The following CADPS2 variants were observed in gnomAD, a reference collection of about 807,000 sequenced individuals.
CADPS2 encodes calcium-dependent secretion activator 2.
Under a neutral mutation model 172.5 loss-of-function variants are expected in CADPS2, and 93 were observed. That is an observed-to-expected ratio of 0.54 (90% confidence interval 0.46 to 0.64). The LOEUF (loss-of-function observed/expected upper bound fraction) is 0.64. CADPS2 is among the 30% of genes least tolerant of loss of function. The pLI, the probability that CADPS2 is intolerant of heterozygous loss-of-function variation, is 0.00. For synonymous variants in CADPS2, 546 were observed against 555.2 expected (o/e 0.98, Z 0.23); for missense variants, 1,420 against 1,565.9 (o/e 0.91, Z 1.57).
At chr7:122,722,036 A>G (rs1192744349) in intron 2 of CADPS2, among the ~76,000 whole-genome samples, 3 of 152,274 alleles carry the variant, frequency 2.0e-5, no homozygotes, top group African/African-American at 4.8e-5. Flanking sequence ...TCGATGGGAC[A>G]TATCTCAAAA....
chr7:122,692,768 G>A (rs969404155), intron 2 of CADPS2, among the ~76,000 whole-genome samples: 2 of 152,266 alleles, frequency 1.3e-5, no homozygotes, highest in African/African-American at 4.8e-5. Flanking sequence ...AACACTCGGG[G>A]CCGTAAGCAG....
At chr7:122,762,118 T>G (rs1384201708) in intron 1 of CADPS2, among the ~76,000 whole-genome samples, 1 of 151,350 alleles carries the variant, frequency 6.6e-6, no homozygotes, top group Non-Finnish European at 1.5e-5. Flanking sequence ...TGTATATATG[T>G]ATATGTATAT....
chr7:122,592,764 A>C (rs907757628), intron 6 of CADPS2, among the ~76,000 whole-genome samples: 2 of 148,652 alleles, frequency 1.3e-5, no homozygotes, highest in Non-Finnish European at 3.0e-5. Flanking sequence ...GCATGTTCTC[A>C]CTCATAGGTG....
rs548982595 is a variant in CADPS2 at position 122,428,521 on chromosome 7, A to G, written c.2476+9820T>C. ...TTGCTGTTGTTGCCCAGGCTGGAGT[A>G]CAGTGGCGCAATCACGGCTCACTGC... On this transcript the variant is annotated intron_variant, in intron 17 of 29. Coordinates refer to ENST00000449022, the MANE Select transcript of CADPS2 (RefSeq NM_017954.11). Among the ~76,000 whole-genome samples, 118 of 149,382 alleles carry G rather than the reference A, an allele frequency of 7.9e-4. 2 individuals are homozygous for G. Among genetic ancestry groups the G allele is most frequent in the African/African-American group, 2.8e-3 (113 of 40,556 alleles).
At chr7:122,323,870 AT>A (rs1350484430) in intron 29 of CADPS2, among the ~76,000 whole-genome samples, 1 of 95,998 alleles carries the variant, frequency 1.0e-5, no homozygotes, top group African/African-American at 4.0e-5. Flanking sequence ...ACATATGTAT[AT>A]TTTATATATA....
intron 1 of CADPS2, among the ~76,000 whole-genome samples, chr7:122,805,604 T>C (rs1467551810): frequency 6.6e-6 from 1 of 152,202 alleles, no homozygotes. Flanking sequence ...CCTTCCAAAA[T>C]TGCCTTCTCT....
intron 3 of CADPS2, among the ~76,000 whole-genome samples, chr7:122,655,797 G>T (rs1053667036): frequency 2.0e-5 from 3 of 151,970 alleles, no homozygotes; most frequent in Non-Finnish European, 4.4e-5. Context: ...ATTTACAGGG[G>T]TACTCTTTAT....
chr7:122,836,452 G>A (rs1808450562), intron 1 of CADPS2, among the ~76,000 whole-genome samples: 1 of 152,044 alleles, frequency 6.6e-6, no homozygotes, highest in Admixed American at 6.6e-5. Context: ...ATGTAAATGG[G>A]CTAAATCCTC....
At chr7:122,671,541 G>A (rs2081857708) in intron 2 of CADPS2, among the ~76,000 whole-genome samples, 1 of 152,038 alleles carries the variant, frequency 6.6e-6, no homozygotes, top group Admixed American at 6.5e-5. Flanking sequence ...CTCCAGCCTG[G>A]GTGACAGAGT....
intron 14 of CADPS2, among the ~76,000 whole-genome samples, chr7:122,459,583 A>G (rs6949994): frequency 0.052 from 7,860 of 152,190 alleles, 489 homozygotes; most frequent in African/African-American, 0.15. Flanking sequence ...AAGGGGATCT[A>G]TTTTAATATA....
chr7:122,669,338 AAT>A (rs1394116235), intron 2 of CADPS2, among the ~76,000 whole-genome samples: 33 of 129,032 alleles, frequency 2.6e-4, no homozygotes, highest in South Asian at 1.0e-3. Context: ...CTAAAGAAAA[AAT>A]ATATATATAT....
chr7:122,690,961 G>T (rs536710115), intron 2 of CADPS2, among the ~76,000 whole-genome samples: 3 of 152,310 alleles, frequency 2.0e-5, no homozygotes, highest in African/African-American at 7.2e-5. Context: ...ATTCCTTATA[G>T]TGAAGGTGCA....
chr7:122,668,232 T>C (rs143404177), intron 2 of CADPS2, among the ~76,000 whole-genome samples: 1 of 113,222 alleles, frequency 8.8e-6, no homozygotes, highest in African/African-American at 3.5e-5. Context: ...AGAGGGAAAA[T>C]TGGAAAATTC....
At chr7:122,612,087 T>A (rs1191600452) in intron 6 of CADPS2, among the ~76,000 whole-genome samples, 1 of 151,940 alleles carries the variant, frequency 6.6e-6, no homozygotes, top group African/African-American at 2.4e-5. Context: ...CTATTAAAAA[T>A]TCAGAGCTAA....
At chr7:122,675,160 T>C (rs897385623) in intron 2 of CADPS2, among the ~76,000 whole-genome samples, 3 of 152,240 alleles carry the variant, frequency 2.0e-5, no homozygotes, top group African/African-American at 7.2e-5. Flanking sequence ...ACTGTTTTAC[T>C]GGATGGAAAC....
chr7:122,446,278 C>T lies in CADPS2; in HGVS notation c.2289-4703G>A, dbSNP rs190723316. On this transcript the variant is annotated intron_variant, in intron 15 of 29. Transcript: ENST00000449022. ...TTTCTATATACTTAAAATTTTTTCACCAGATGCTGGAGATAGTTTTGTCTT... is the reference window on the plus strand; with the variant it reads ...TTTCTATATACTTAAAATTTTTTCATCAGATGCTGGAGATAGTTTTGTCTT... 1.8e-3 allele frequency among the ~76,000 whole-genome samples: 275 copies of T among 152,200 alleles called. 3 individuals carry two copies. The highest frequency in any genetic ancestry group is 6.2e-3 in the African/African-American group (258 of 41,542).
At chr7:122,480,227 G>C in intron 12 of CADPS2, 1 of 445,156 alleles carries the variant, frequency 2.2e-6, no homozygotes, top group South Asian at 1.7e-5. Context: ...GCTTATTAGA[G>C]AAATCTATAA....
intron 27 of CADPS2, among the ~76,000 whole-genome samples, chr7:122,360,231 T>C (rs545215976): frequency 4.5e-4 from 69 of 152,350 alleles, no homozygotes; most frequent in African/African-American, 1.7e-3. Flanking sequence ...ATGTTTACCA[T>C]GTGAACGTTC....
intron 6 of CADPS2, among the ~76,000 whole-genome samples, chr7:122,610,151 T>TA (rs71161311): frequency 0.23 from 32,832 of 144,844 alleles, 3,585 homozygotes; most frequent in South Asian, 0.37. Context: ...GAAAGAGTAA[T>TA]AAAAAAAAAA....
Sources: gnomAD v4.1 joint callset for allele counts (sites outside exome capture counted in the v4.1 genomes callset) on GRCh38, gnomAD v4.1.1 for gene constraint, MANE v1.5 for transcripts, NCBI Gene and HGNC (gene_info 2026-07-23, HGNC 2026-07-21) for gene names.